The following MYO18B variants were observed in gnomAD, a reference collection of about 807,000 sequenced individuals.
The protein encoded by MYO18B is unconventional myosin-XVIIIb.
A neutral mutation model predicts 273.0 loss-of-function variants in MYO18B; 204 were observed. That is an observed-to-expected ratio of 0.75 (90% CI 0.67 to 0.84). MYO18B has a LOEUF of 0.84. MYO18B is among the 40% of genes least tolerant of loss of function. The pLI is 0.00. For synonymous variants in MYO18B, 1,330 were observed against 1,305.7 expected, an observed-to-expected ratio of 1.02 and a Z score of -0.40; for missense variants, 3,212 against 3,287.6, an observed-to-expected ratio of 0.98 and a Z score of 0.56.
At chr22:25,948,621 T>G (rs1431513305) in intron 36 of MYO18B, among the ~76,000 whole-genome samples, 1 of 151,660 alleles carries the variant, frequency 6.6e-6, no homozygotes, top group Non-Finnish European at 1.5e-5. Context: ...AGCTATTTAT[T>G]CAATATTTAC....
chr22:25,902,638 C>T lies in MYO18B; in HGVS notation c.4849C>T (p.Leu1617=), dbSNP rs1461787613. 1.9e-6 allele frequency: 3 copies of T among 1,606,358 alleles called. No individual in the cohort carries two copies. The highest frequency in any genetic ancestry group is 2.5e-6 in the Non-Finnish European group (3 of 1,176,514). Reference sequence around the variant, plus strand: ...GTTTGACCTGCAGCTGGCCCAGGCCCTAGGTGAGTCAGTGTTTGAGAAGGG... The same window carrying T: ...GTTTGACCTGCAGCTGGCCCAGGCCTTAGGTGAGTCAGTGTTTGAGAAGGG... ...KKFDLQLAQA[L]GESVFEKGLR... is the part of the protein sequence containing the mutation. The change falls in exon 30 of 44, where the codon CTA becomes TTA. Residue 1617 remains leucine, a synonymous_variant. Coordinates refer to ENST00000335473, the MANE Select transcript of MYO18B (RefSeq NM_032608.7).
Position 25,918,723 on chromosome 22 carries a change from C to T in MYO18B, c.5365-2534C>T, listed in dbSNP as rs535757889. On this transcript the variant is annotated intron_variant, in intron 33 of 43. Transcript: ENST00000335473. Reference sequence around the variant, plus strand: ...TCAGGGAATGTCCCTGATGCTAACTCGCCCCACAGGAGAATTAAAGGCACT... The same window carrying T: ...TCAGGGAATGTCCCTGATGCTAACTTGCCCCACAGGAGAATTAAAGGCACT... Among the ~76,000 whole-genome samples the T allele has an allele frequency of 6.5e-4, 99 of 152,266 alleles. No individual in the cohort carries two copies. In the South Asian group the frequency reaches 0.018, roughly 27 times the overall value.
At chr22:25,887,786 A>G (rs557862612) in intron 25 of MYO18B, among the ~76,000 whole-genome samples, 28 of 152,212 alleles carry the variant, frequency 1.8e-4, no homozygotes, top group African/African-American at 4.8e-4. Flanking sequence ...ATTTCCCCCA[A>G]TTTGAAAAGA....
chr22:25,862,898 T>A (rs927992400), intron 21 of MYO18B, among the ~76,000 whole-genome samples: 2 of 152,120 alleles, frequency 1.3e-5, no homozygotes, highest in South Asian at 4.1e-4. Flanking sequence ...TTCATACTTT[T>A]TAAAATCTTT....
At chr22:25,820,157 C>T (rs111665524) in intron 12 of MYO18B, among the ~76,000 whole-genome samples, 79 of 148,790 alleles carry the variant, frequency 5.3e-4, no homozygotes, top group South Asian at 2.4e-3. Context: ...AAAAATTAGC[C>T]ATGTTACCTG....
chr22:25,782,423 G>A (rs2087202681), intron 10 of MYO18B, among the ~76,000 whole-genome samples: 1 of 152,208 alleles, frequency 6.6e-6, no homozygotes, highest in African/African-American at 2.4e-5. Flanking sequence ...GGAGCTGAGT[G>A]GAGCAGTGAG....
At chr22:26,062,400 G>A in the MYO18B span, among the ~76,000 whole-genome samples, 1 of 152,126 alleles carries the variant, frequency 6.6e-6, no homozygotes, top group African/African-American at 2.4e-5. Context: ...TAGAATAATA[G>A]TGGGCCAGGG....
intron 18 of MYO18B, among the ~76,000 whole-genome samples, chr22:25,844,679 C>T (rs1431061833): frequency 1.3e-5 from 2 of 152,204 alleles, no homozygotes; most frequent in African/African-American, 2.4e-5. Context: ...ACAGCCAGGA[C>T]CCAACTTGAG....
the MYO18B span, among the ~76,000 whole-genome samples, chr22:26,062,871 G>A: frequency 6.6e-6 from 1 of 152,170 alleles, no homozygotes; most frequent in Non-Finnish European, 1.5e-5. Context: ...AGAAATCAGG[G>A]CTTGAACGGG....
Position 25,843,805 on chromosome 22 carries a change from T to C in MYO18B, c.3279T>C (p.Pro1093=), listed in dbSNP as rs2090154747. Residue 1093 remains proline, a synonymous_variant, in exon 18 of 44, where the codon CCT becomes CCC. Transcript: ENST00000335473. ...TTTTCCACCAGTTGGGATGGGACCC[T>C]GTGCGGTACGACCTCACGGGCTGGC... The part of the protein sequence containing the change: ...CEIFHQLGWD[P]VRYDLTGWLH... The C allele has an allele frequency of 1.2e-6, 2 of 1,613,852 alleles. No individual in the cohort carries two copies. Among genetic ancestry groups the C allele is most frequent in the African/African-American group, 1.3e-5 (1 of 74,932 alleles).
At chr22:25,911,421 A>C (rs2092156314) in intron 33 of MYO18B, among the ~76,000 whole-genome samples, 1 of 152,212 alleles carries the variant, frequency 6.6e-6, no homozygotes, top group Non-Finnish European at 1.5e-5. Context: ...CCTTGGAGCC[A>C]GGCAAATGTA....
At chr22:26,049,503 T>G in the MYO18B span, among the ~76,000 whole-genome samples, 1 of 152,342 alleles carries the variant, frequency 6.6e-6, no homozygotes, top group South Asian at 2.1e-4. Context: ...GTAATGGATG[T>G]GAATGCATTT....
At chr22:25,806,098 A>G (rs1284494922) in intron 12 of MYO18B, among the ~76,000 whole-genome samples, 5 of 152,184 alleles carry the variant, frequency 3.3e-5, no homozygotes, top group Non-Finnish European at 7.4e-5. Flanking sequence ...CCTGGTACAT[A>G]GTATGTGCTC....
intron 34 of MYO18B, among the ~76,000 whole-genome samples, chr22:25,938,365 CAG>C (rs1215390213): frequency 3.3e-5 from 5 of 152,188 alleles, no homozygotes; most frequent in Non-Finnish European, 4.4e-5. Flanking sequence ...CTGAATGAAA[CAG>C]AGGTGGGTGA....
chr22:25,866,118 A>T (rs754088435), intron 21 of MYO18B, among the ~76,000 whole-genome samples: 28 of 152,024 alleles, frequency 1.8e-4, no homozygotes, highest in Non-Finnish European at 2.4e-4. Flanking sequence ...GATGTCTTTG[A>T]CCCATGGAAT....
rs1601567878 is a variant in MYO18B at position 25,742,235 on chromosome 22, A to C, written c.-168A>C. 6.6e-6 allele frequency: 1 copy of C among 152,082 alleles called. No homozygotes were observed. Among genetic ancestry groups the C allele is most frequent in the Admixed American group, 6.6e-5 (1 of 15,254 alleles). 9.4% of individuals were successfully genotyped at this position (152,082 alleles called of 1,614,324 possible). On this transcript the variant is annotated 5_prime_UTR_variant, in exon 1 of 44. Coordinates refer to ENST00000335473, the MANE Select transcript of MYO18B (RefSeq NM_032608.7). Reference sequence around the variant, plus strand: ...GGCTCGGTGGGGTCCCTTCGCGGCCACCCGGGGAGACGTCTTAGACAGTCG... The same window carrying C: ...GGCTCGGTGGGGTCCCTTCGCGGCCCCCCGGGGAGACGTCTTAGACAGTCG...
Position 25,884,124 on chromosome 22 carries a change from C to T in MYO18B, c.4314+6076C>T, listed in dbSNP as rs201707260. ...CTGGCCTCATTAGCCTGAGAGGTTT[C>T]GCTTTTGGTAAGAAATTGTGGAGAC... On this transcript the variant is annotated intron_variant, in intron 25 of 43. Transcript: ENST00000335473. Among the ~76,000 whole-genome samples, 12 of 152,238 alleles carry T rather than the reference C, an allele frequency of 7.9e-5. No homozygotes were observed. The East Asian group carries it at 1.7e-3, about 22-fold the overall frequency.
At chr22:26,008,015 T>A (rs1934574481) in intron 42 of MYO18B, among the ~76,000 whole-genome samples, 1 of 152,220 alleles carries the variant, frequency 6.6e-6, no homozygotes, top group Non-Finnish European at 1.5e-5. Flanking sequence ...ATAGCATATT[T>A]GTGAGATTTT....
intron 39 of MYO18B, among the ~76,000 whole-genome samples, chr22:25,987,091 G>C (rs181606439): frequency 2.5e-4 from 38 of 152,228 alleles, no homozygotes; most frequent in African/African-American, 8.7e-4. Context: ...ACTTTGGGGG[G>C]CCTTGGGAGA....
Sources: gnomAD v4.1 joint callset for allele counts (sites outside exome capture counted in the v4.1 genomes callset) on GRCh38, gnomAD v4.1.1 for gene constraint, MANE v1.5 for transcripts, NCBI Gene and HGNC (gene_info 2026-07-23, HGNC 2026-07-21) for gene names.